Variants in NRXN1 observed in about 807,000 individuals in gnomAD.
The protein encoded by NRXN1 is neurexin 1, also known as neurexin-1.
Under a neutral mutation model 150.9 loss-of-function variants are expected in NRXN1, and 39 were observed. The observed-to-expected ratio is 0.26, with a 90% confidence interval of 0.20 to 0.34. NRXN1 has a LOEUF of 0.34. NRXN1 is among the 10% of genes least tolerant of loss of function. The pLI is 1.00. For missense variants in NRXN1, 1,815 were observed against 1,949.9 expected (o/e 0.93, Z 1.30); for synonymous variants, 924 against 757.0 (o/e 1.22, Z -3.62).
intron 5 of NRXN1, among the ~76,000 whole-genome samples, chr2:50,694,063 G>A (rs1180949460): frequency 6.6e-6 from 1 of 152,144 alleles, no homozygotes. Flanking sequence ...AAAGCACTGG[G>A]ATTATAAGTG....
chr2:50,384,008 G>A (rs1371676376), intron 17 of NRXN1, among the ~76,000 whole-genome samples: 1 of 152,124 alleles, frequency 6.6e-6, no homozygotes, highest in Non-Finnish European at 1.5e-5. Flanking sequence ...TTGAAGAGAA[G>A]AAAGTAAAGG....
intron 5 of NRXN1, among the ~76,000 whole-genome samples, chr2:50,745,296 T>G (rs530479764): frequency 9.0e-6 from 1 of 111,464 alleles, no homozygotes; most frequent in African/African-American, 3.5e-5. Context: ...TATATTTATA[T>G]CTGCCCCCCC....
chr2:50,186,671 T>C (rs1004062608), intron 18 of NRXN1, among the ~76,000 whole-genome samples: 1 of 152,078 alleles, frequency 6.6e-6, no homozygotes, highest in African/African-American at 2.4e-5. Flanking sequence ...CTGTGCATCA[T>C]GTATGCTTTA....
intron 12 of NRXN1, among the ~76,000 whole-genome samples, chr2:50,509,505 C>A (rs1357760787): frequency 2.6e-5 from 4 of 152,186 alleles, no homozygotes; most frequent in Admixed American, 6.5e-5. Context: ...TGCTAACACA[C>A]TCAACTTCTG....
chr2:50,741,854 G>A (rs567734892), intron 5 of NRXN1, among the ~76,000 whole-genome samples: 34 of 152,166 alleles, frequency 2.2e-4, no homozygotes, highest in African/African-American at 7.7e-4. Flanking sequence ...AAAATCACAG[G>A]GTTAGTTTCT....
intron 2 of NRXN1, among the ~76,000 whole-genome samples, chr2:50,946,361 A>T (rs1252442984): frequency 6.6e-6 from 1 of 152,170 alleles, no homozygotes; most frequent in Non-Finnish European, 1.5e-5. Context: ...TAAACTTAAG[A>T]TGCTAAGATG....
chr2:51,024,318 G>A (rs989824140), intron 2 of NRXN1, among the ~76,000 whole-genome samples: 4 of 152,118 alleles, frequency 2.6e-5, no homozygotes, highest in Non-Finnish European at 4.4e-5. Context: ...AAGAACATAA[G>A]TGATGCATAA....
At chr2:50,502,676 A>C (rs1312577594) in intron 13 of NRXN1, among the ~76,000 whole-genome samples, 1 of 152,208 alleles carries the variant, frequency 6.6e-6, no homozygotes, top group Non-Finnish European at 1.5e-5. Flanking sequence ...TGGAATGGGA[A>C]AAATAACGAA....
intron 18 of NRXN1, among the ~76,000 whole-genome samples, chr2:50,113,883 T>G (rs954684121): frequency 6.6e-6 from 1 of 152,176 alleles, no homozygotes; most frequent in African/African-American, 2.4e-5. Flanking sequence ...CATTCAATGG[T>G]CAGTTAATTT....
chr2:50,406,590 A>G (rs998760445), intron 17 of NRXN1, among the ~76,000 whole-genome samples: 5 of 152,116 alleles, frequency 3.3e-5, no homozygotes, highest in African/African-American at 4.8e-5. Context: ...TGTAGGTAGG[A>G]TCTGAGTGGA....
chr2:50,164,736 AG>A (rs2059570201), intron 18 of NRXN1, among the ~76,000 whole-genome samples: 1 of 152,208 alleles, frequency 6.6e-6, no homozygotes. Context: ...AATCTACATA[AG>A]GTGATCTGAG....
intron 17 of NRXN1, among the ~76,000 whole-genome samples, chr2:50,371,313 C>T (rs2080010276): frequency 1.3e-5 from 2 of 152,010 alleles, no homozygotes; most frequent in African/African-American, 4.8e-5. Context: ...CCCAAAGCAA[C>T]AGGGAAATGA....
At chr2:50,641,305 A>G (rs1238076925) in intron 5 of NRXN1, among the ~76,000 whole-genome samples, 1 of 151,902 alleles carries the variant, frequency 6.6e-6, no homozygotes, top group Admixed American at 6.6e-5. Flanking sequence ...TTTCTTCCCC[A>G]TTTCCCTCAT....
chr2:51,009,756 T>C (rs1667564679), intron 2 of NRXN1, among the ~76,000 whole-genome samples: 1 of 151,916 alleles, frequency 6.6e-6, no homozygotes, highest in South Asian at 2.1e-4. Context: ...ATATCTCTTC[T>C]ATGGTGACAG....
chr2:50,540,655 G>A (rs2093367888), intron 9 of NRXN1, among the ~76,000 whole-genome samples: 1 of 151,810 alleles, frequency 6.6e-6, no homozygotes, highest in Non-Finnish European at 1.5e-5. Context: ...TGAACAAAGT[G>A]CCATGTTCTT....
intron 2 of NRXN1, among the ~76,000 whole-genome samples, chr2:50,988,154 A>C (rs370882364): frequency 2.6e-5 from 4 of 152,012 alleles, no homozygotes; most frequent in African/African-American, 9.7e-5. Context: ...GCTGACAAAA[A>C]TAAGTCAGGC....
chr2:50,701,107 T>G (rs1468353591), intron 5 of NRXN1, among the ~76,000 whole-genome samples: 2 of 152,192 alleles, frequency 1.3e-5, no homozygotes, highest in Non-Finnish European at 2.9e-5. Flanking sequence ...AGGCCTTTCC[T>G]TCCACTGATA....
chr2:50,869,217 T>C (rs970862983), intron 5 of NRXN1, among the ~76,000 whole-genome samples: 3 of 151,802 alleles, frequency 2.0e-5, no homozygotes, highest in South Asian at 2.1e-4. Flanking sequence ...TTAGATGGCA[T>C]TGGTCCTTTC....
At chr2:50,001,617 T>C (rs1184618727) in intron 21 of NRXN1, among the ~76,000 whole-genome samples, 3 of 152,134 alleles carry the variant, frequency 2.0e-5, no homozygotes, top group Admixed American at 1.3e-4. Flanking sequence ...TTTTCTCATA[T>C]GTAAAATGAG....
Sources: gnomAD v4.1 joint callset for allele counts (sites outside exome capture counted in the v4.1 genomes callset) on GRCh38, gnomAD v4.1.1 for gene constraint, MANE v1.5 for transcripts, NCBI Gene and HGNC (gene_info 2026-07-23, HGNC 2026-07-21) for gene names.